Variants in OSBPL9 observed in about 807,000 individuals in gnomAD.
OSBPL9 encodes the protein oxysterol-binding protein-related protein 9.
OSBPL9 carries 40 observed loss-of-function variants against 106.6 expected under a neutral mutation model. That is an observed-to-expected ratio of 0.38 (90% CI 0.29 to 0.49). The LOEUF (loss-of-function observed/expected upper bound fraction) is 0.49. Ranked by LOEUF, OSBPL9 falls within the 20% of genes least tolerant of loss-of-function variation. The probability of loss-of-function intolerance (pLI) is 0.97; values close to 1 mark genes in which losing one functional copy is unlikely to be tolerated. For synonymous variants in OSBPL9, 269 were observed against 295.4 expected (o/e 0.91, Z 0.92); for missense variants, 609 against 887.2 (o/e 0.69, Z 3.98).
intron 1 of OSBPL9, among the ~76,000 whole-genome samples, chr1:51,585,826 A>G (rs1425763924): frequency 6.6e-6 from 1 of 151,796 alleles, no homozygotes; most frequent in African/African-American, 2.4e-5. Flanking sequence ...TAACTCCAAG[A>G]ACTGGAAAGA....
At chr1:51,532,810 A>T in the OSBPL9 span, among the ~76,000 whole-genome samples, 1 of 152,144 alleles carries the variant, frequency 6.6e-6, no homozygotes, top group African/African-American at 2.4e-5. Context: ...AGGACACAAG[A>T]TAGTTGAGGA....
intron 3 of OSBPL9, among the ~76,000 whole-genome samples, chr1:51,674,879 A>G (rs1650797892): frequency 6.6e-6 from 1 of 152,230 alleles, no homozygotes; most frequent in Non-Finnish European, 1.5e-5. Context: ...CACACATAAA[A>G]TACACTAACG....
intron 4 of OSBPL9, among the ~76,000 whole-genome samples, chr1:51,733,256 C>A (rs1196410032): frequency 6.6e-6 from 1 of 152,182 alleles, no homozygotes; most frequent in East Asian, 1.9e-4. Flanking sequence ...ATCCCCGGGG[C>A]CTTTGTCCCT....
chr1:51,519,349 T>G, the OSBPL9 span: 4 of 365,076 alleles, frequency 1.1e-5, no homozygotes, highest in Non-Finnish European at 1.4e-5. Context: ...GCGTCTCCCC[T>G]AACTTCCACA....
intron 2 of OSBPL9, among the ~76,000 whole-genome samples, chr1:51,665,708 G>T (rs1192270528): frequency 2.0e-5 from 3 of 152,168 alleles, no homozygotes; most frequent in Non-Finnish European, 2.9e-5. Context: ...GAGACTGTTA[G>T]CTAGGTTCGA....
Position 51,651,973 on chromosome 1 carries a change from G to A in OSBPL9, c.112-18G>A, listed in dbSNP as rs780318093. On this transcript the variant is annotated intron_variant, in intron 1 of 23. Coordinates refer to ENST00000428468, the MANE Select transcript of OSBPL9 (RefSeq NM_024586.6). ...TCTGTTAATGTTTTATTCATTGAAT[G>A]CTTTGTTTTTCTTTTAGTCCAAGGA... 3.8e-6 allele frequency: 6 copies of A among 1,596,050 alleles called. No homozygotes were observed. The East Asian group carries it at 1.3e-4, about 36-fold the overall frequency.
intron 7 of OSBPL9, 35 bp from the exon 8 acceptor site, chr1:51,750,110 G>A (rs772543675): frequency 2.0e-6 from 3 of 1,505,606 alleles, no homozygotes; most frequent in Non-Finnish European, 2.7e-6. Flanking sequence ...ATTTATTTGA[G>A]CCAAGATCCT....
chr1:51,529,751 A>G, the OSBPL9 span, among the ~76,000 whole-genome samples: 1 of 151,170 alleles, frequency 6.6e-6, no homozygotes, highest in South Asian at 2.1e-4. Flanking sequence ...CTACATATTC[A>G]CATGCAAAAG....
At position 51,617,195 on chromosome 1, in the gene OSBPL9, A is replaced by C; in HGVS notation, c.85A>C (p.Asn29His). The part of the protein sequence containing the change: ...WQYRWFVLDY[N>H]AGLLSYYTSK... ...GTACCGTTGGTTCGTGCTGGACTAC[A>C]ATGCAGGACTGCTCTCCTACTACAC... The change falls in exon 1 of 24, where the codon AAT becomes CAT. Residue 29 changes from asparagine (N) to histidine (H), a missense_variant. Physicochemically the swap from Asn to His is moderately conservative, Grantham distance 68 (BLOSUM62 1). Coordinates refer to ENST00000428468, the MANE Select transcript of OSBPL9 (RefSeq NM_024586.6). The C allele has an allele frequency of 6.2e-7, 1 of 1,613,418 alleles. No individual in the cohort carries two copies. Among genetic ancestry groups the C allele is most frequent in the Non-Finnish European group, 8.5e-7 (1 of 1,179,794 alleles).
the OSBPL9 span, among the ~76,000 whole-genome samples, chr1:51,553,532 A>T: frequency 2.0e-5 from 3 of 151,744 alleles, no homozygotes; most frequent in Non-Finnish European, 4.4e-5. Context: ...CAAAAACCAA[A>T]ACAAAACAAA....
intron 4 of OSBPL9, among the ~76,000 whole-genome samples, chr1:51,721,746 T>C (rs79026121): frequency 0.012 from 1,822 of 152,320 alleles, 38 homozygotes; most frequent in African/African-American, 0.042. Flanking sequence ...TTTCATATCA[T>C]GTAGAAAAAT....
chr1:51,648,760 A>G (rs1475965801), intron 1 of OSBPL9, among the ~76,000 whole-genome samples: 1 of 152,188 alleles, frequency 6.6e-6, no homozygotes, highest in East Asian at 1.9e-4. Context: ...TGATATCCCT[A>G]GTGTCATTTT....
upstream of OSBPL9, chr1:51,616,913 C>T (rs960396841): frequency 8.8e-6 from 8 of 913,996 alleles, no homozygotes; most frequent in Admixed American, 3.0e-5. Flanking sequence ...CGTTTGCATT[C>T]TCGCATCCGT....
intron 1 of OSBPL9, among the ~76,000 whole-genome samples, chr1:51,646,182 T>C (rs552800700): frequency 2.6e-5 from 4 of 152,200 alleles, no homozygotes; most frequent in Admixed American, 6.5e-5. Flanking sequence ...ATAGGTATTA[T>C]ATTGAATCTG....
At chr1:51,763,993 C>G (rs893406498) in intron 11 of OSBPL9, among the ~76,000 whole-genome samples, 13 of 152,042 alleles carry the variant, frequency 8.6e-5, no homozygotes, top group Admixed American at 5.2e-4. Flanking sequence ...CTTCTGAAAA[C>G]TATTTCAGTT....
In OSBPL9 at chr1:51,700,886, G is replaced by A. The variant is rs72898047; in HGVS notation, c.242-13117G>A. Among the ~76,000 whole-genome samples the A allele has an allele frequency of 7.2e-3, 1,088 of 151,954 alleles. 8 individuals are homozygous for A. Among genetic ancestry groups the A allele is most frequent in the African/African-American group, 0.025 (1,046 of 41,486 alleles). ...CTTGCCTGATGTAATTATTGCTGTG[G>A]TGTTGGTCTAATGGTGATTTTTAAC... On this transcript the variant is annotated intron_variant, in intron 3 of 23. Coordinates refer to ENST00000428468, the MANE Select transcript of OSBPL9 (RefSeq NM_024586.6).
At chr1:51,646,873 A>G (rs928513556) in intron 1 of OSBPL9, among the ~76,000 whole-genome samples, 1 of 152,122 alleles carries the variant, frequency 6.6e-6, no homozygotes, top group Non-Finnish European at 1.5e-5. Flanking sequence ...GTCTTCTTCA[A>G]ACAGAAATAC....
At chr1:51,618,887 A>G (rs1376461486) in intron 1 of OSBPL9, among the ~76,000 whole-genome samples, 2 of 152,254 alleles carry the variant, frequency 1.3e-5, no homozygotes, top group African/African-American at 4.8e-5. Context: ...CTTCGCTTTC[A>G]CTACAGGAAG....
intron 9 of OSBPL9, 88 bp downstream of exon 9, chr1:51,756,446 T>C (rs764816002): frequency 2.1e-4 from 266 of 1,260,250 alleles, no homozygotes; most frequent in Non-Finnish European, 3.0e-4. Context: ...TTACTACTCA[T>C]TTTTCAATGC....
Sources: gnomAD v4.1 joint callset for allele counts (sites outside exome capture counted in the v4.1 genomes callset) on GRCh38, gnomAD v4.1.1 for gene constraint, MANE v1.5 for transcripts, NCBI Gene and HGNC (gene_info 2026-07-23, HGNC 2026-07-21) for gene names.